Variants in PCDH11X observed in about 807,000 individuals in gnomAD.
The protein encoded by PCDH11X is protocadherin-11 X-linked.
A neutral mutation model predicts 53.3 loss-of-function variants in PCDH11X; 18 were observed. The observed-to-expected ratio is 0.34, with a 90% CI of 0.23 to 0.50. The LOEUF (loss-of-function observed/expected upper bound fraction) is 0.50, where lower values mean the gene tolerates loss of function less well. PCDH11X is among the 20% of genes least tolerant of loss of function. PCDH11X has a pLI of 0.98. For synonymous variants in PCDH11X, 279 were observed against 393.3 expected, an observed-to-expected ratio of 0.71 and a Z score of 3.44; for missense variants, 570 against 1,032.4, an observed-to-expected ratio of 0.55 and a Z score of 6.14.
intron 1 of PCDH11X, among the ~76,000 whole-genome samples, chrX:91,781,475 C>T (rs1935141039): frequency 8.9e-6 from 1 of 112,810 alleles, no homozygotes; most frequent in African/African-American, 3.2e-5. Context: ...GCGACCTAGG[C>T]CCCCTAAAAA....
chrX:92,163,242 G>A (rs1242127536), intron 6 of PCDH11X, among the ~76,000 whole-genome samples: 1 of 110,322 alleles, frequency 9.1e-6, no homozygotes, highest in Non-Finnish European at 1.9e-5. Flanking sequence ...AGGGCTGAGA[G>A]CTTGCCCCAG....
intron 8 of PCDH11X, among the ~76,000 whole-genome samples, chrX:92,358,744 A>C (rs1236369571): frequency 2.7e-4 from 28 of 103,999 alleles, no homozygotes; most frequent in African/African-American, 9.4e-4. Flanking sequence ...TGGACAAACA[A>C]TAATATTTTA....
chrX:92,335,893 AC>A (rs1488705896), intron 8 of PCDH11X, among the ~76,000 whole-genome samples: 2 of 111,634 alleles, frequency 1.8e-5, no homozygotes, highest in Non-Finnish European at 3.8e-5. Flanking sequence ...GTTAATACCT[AC>A]CTTTTCTATT....
At chrX:92,110,637 G>A (rs781752255) in intron 6 of PCDH11X, among the ~76,000 whole-genome samples, 1 of 111,415 alleles carries the variant, frequency 9.0e-6, no homozygotes, top group Non-Finnish European at 1.9e-5. Flanking sequence ...TGTCTGGCAG[G>A]CTGGGTGACT....
rs2073195023 is a variant in PCDH11X at position 92,468,266 on chromosome X, A to C, written c.3344-33A>C. ...GTTGTAGAAATAAGAGAAAATATTT[A>C]TTGTGTTTAACTTTATTAAAATTTC... is the stretch of plus-strand genomic sequence containing the variant. On this transcript the variant is annotated intron_variant, in intron 9 of 10. Coordinates refer to ENST00000682573, the MANE Select transcript of PCDH11X (RefSeq NM_032968.5). The C allele has an allele frequency of 4.7e-6, 5 of 1,062,453 alleles. No homozygotes were observed. In the Admixed American group the frequency reaches 1.5e-4, roughly 32 times the overall value. 87.6% of individuals were successfully genotyped at this position (1,062,453 alleles called of 1,213,427 possible).
At chrX:92,276,310 G>A (rs999987998) in intron 8 of PCDH11X, among the ~76,000 whole-genome samples, 12 of 107,226 alleles carry the variant, frequency 1.1e-4, no homozygotes, top group African/African-American at 3.1e-4. Context: ...GGCTTCCGAG[G>A]CGATCGGGCA....
At chrX:92,016,551 C>A (rs947130166) in intron 6 of PCDH11X, among the ~76,000 whole-genome samples, 78 of 106,685 alleles carry the variant, frequency 7.3e-4, no homozygotes, top group Non-Finnish European at 1.9e-4. Context: ...GAGATGGCTT[C>A]TTTCCTTAAA....
intron 6 of PCDH11X, among the ~76,000 whole-genome samples, chrX:92,143,757 G>C (rs1475943600): frequency 1.8e-5 from 2 of 112,124 alleles, no homozygotes; most frequent in Non-Finnish European, 3.8e-5. Flanking sequence ...GCCTAGTGGA[G>C]TTGTGAGAAG....
intron 8 of PCDH11X, among the ~76,000 whole-genome samples, chrX:92,331,319 C>CTTCT (rs1369843764): frequency 9.0e-4 from 26 of 28,764 alleles, no homozygotes; most frequent in East Asian, 3.6e-3. Context: ...CTTCTTCTTC[C>CTTCT]TCTTCTTCTT....
chrX:92,463,104 G>T (rs1237063616), intron 9 of PCDH11X, among the ~76,000 whole-genome samples: 1 of 107,546 alleles, frequency 9.3e-6, no homozygotes, highest in South Asian at 4.0e-4. Flanking sequence ...AAATATTAAG[G>T]CTAGATTTTG....
chrX:92,596,924 T>A (rs1349299333), intron 10 of PCDH11X, among the ~76,000 whole-genome samples: 1 of 109,958 alleles, frequency 9.1e-6, no homozygotes, highest in Non-Finnish European at 1.9e-5. Flanking sequence ...ATCAATCATA[T>A]CAATAGAATG....
chrX:92,254,580 G>A (rs1427528171), intron 7 of PCDH11X, among the ~76,000 whole-genome samples: 4 of 109,269 alleles, frequency 3.7e-5, no homozygotes, highest in Non-Finnish European at 5.7e-5. Context: ...GGCTGGTACC[G>A]GTTGTTCCTT....
chrX:91,918,986 G>A (rs1324258427), intron 6 of PCDH11X, among the ~76,000 whole-genome samples: 1 of 111,286 alleles, frequency 9.0e-6, no homozygotes. Context: ...ACCCACAGGA[G>A]GGGATACAAA....
At chrX:92,065,772 T>C (rs1377525339) in intron 6 of PCDH11X, among the ~76,000 whole-genome samples, 2 of 108,612 alleles carry the variant, frequency 1.8e-5, no homozygotes, top group East Asian at 6.0e-4. Context: ...TCTTGTCAGA[T>C]GGATAGTTTC....
chrX:91,832,870 C>G (rs1937162107), intron 4 of PCDH11X, among the ~76,000 whole-genome samples: 1 of 107,249 alleles, frequency 9.3e-6, no homozygotes, highest in Admixed American at 1.0e-4. Flanking sequence ...AACTTTTATT[C>G]TGAGTTCAGG....
At chrX:91,951,836 G>T (rs1257343454) in intron 6 of PCDH11X, among the ~76,000 whole-genome samples, 1 of 111,536 alleles carries the variant, frequency 9.0e-6, no homozygotes, top group Non-Finnish European at 1.9e-5. Context: ...AGAATCACCC[G>T]TTAGCACTGG....
At chrX:92,549,811 T>C (rs2074924162) in intron 10 of PCDH11X, among the ~76,000 whole-genome samples, 1 of 111,337 alleles carries the variant, frequency 9.0e-6, no homozygotes, top group South Asian at 3.7e-4. Flanking sequence ...TTTTATTTAA[T>C]ATATTTTAAT....
intron 6 of PCDH11X, chrX:91,880,111 T>C (rs1939823415): frequency 7.3e-6 from 1 of 137,825 alleles, no homozygotes; most frequent in African/African-American, 3.3e-5. Flanking sequence ...TAAAACCCAA[T>C]ACATTTATGA....
At chrX:91,921,717 A>G (rs1941745827) in intron 6 of PCDH11X, among the ~76,000 whole-genome samples, 1 of 105,269 alleles carries the variant, frequency 9.5e-6, no homozygotes, top group South Asian at 4.4e-4. Context: ...CTACTGAAGG[A>G]TATCTTGGTT....
Sources: gnomAD v4.1 joint callset for allele counts (sites outside exome capture counted in the v4.1 genomes callset) on GRCh38, gnomAD v4.1.1 for gene constraint, MANE v1.5 for transcripts, NCBI Gene and HGNC (gene_info 2026-07-23, HGNC 2026-07-21) for gene names.